The following NOMO1 variants were observed in gnomAD, a reference collection of about 807,000 sequenced individuals.
NOMO1 encodes the protein NODAL modulator 1, also known as nodal modulator 3.
Under a neutral mutation model 133.8 loss-of-function variants are expected in NOMO1, and 40 were observed. The observed-to-expected ratio is 0.30, with a 90% CI of 0.23 to 0.39. The LOEUF (loss-of-function observed/expected upper bound fraction) is 0.39. Among genes scored for constraint, NOMO1 ranks in the 10% least tolerant of loss-of-function variants. The pLI is 1.00. For missense variants in NOMO1, 462 were observed against 1,419.9 expected, an observed-to-expected ratio of 0.33 and a Z score of 10.84; for synonymous variants, 236 against 570.5, an observed-to-expected ratio of 0.41 and a Z score of 8.36.
intron 25 of NOMO1, among the ~76,000 whole-genome samples, chr16:14,882,351 T>C (rs2151009430): frequency 9.4e-6 from 1 of 106,152 alleles, no homozygotes; most frequent in Non-Finnish European, 1.9e-5. Context: ...ATTTGATTTA[T>C]TTTGGGGTAG....
intron 11 of NOMO1, 119 bp downstream of exon 11, chr16:14,857,774 T>A: frequency 6.9e-3 from 5 of 722 alleles, no homozygotes; most frequent in Non-Finnish European, 9.0e-3. Flanking sequence ...AGATTAGTAC[T>A]TTTTTTTTTT....
chr16:14,845,936 C>T (rs1392639196), intron 4 of NOMO1, among the ~76,000 whole-genome samples: 2 of 151,578 alleles, frequency 1.3e-5, no homozygotes, highest in Non-Finnish European at 2.9e-5. Flanking sequence ...GAGCAATTCT[C>T]CTGCCTCAGC....
At chr16:14,846,829 C>A in intron 5 of NOMO1, 146 bp downstream of exon 5, 1 of 1,273,156 alleles carries the variant, frequency 7.9e-7, no homozygotes, top group South Asian at 1.3e-5. Flanking sequence ...CGTCAGAGTG[C>A]TGAGTTCCCC....
At chr16:14,883,901 T>G (rs554962730) in intron 26 of NOMO1, among the ~76,000 whole-genome samples, 4 of 151,266 alleles carry the variant, frequency 2.6e-5, no homozygotes, top group Non-Finnish European at 5.9e-5. Context: ...CTTTTTTTTT[T>G]AAGAGAAGCT....
chr16:14,882,951 A>G (rs1964266615), intron 26 of NOMO1, among the ~76,000 whole-genome samples: 1 of 152,102 alleles, frequency 6.6e-6, no homozygotes, highest in Admixed American at 6.5e-5. Flanking sequence ...CTGCAAGTTA[A>G]GGAACTTAAG....
At position 14,887,325 on chromosome 16, in the gene NOMO1, G is replaced by T. The variant is rs992046135; in HGVS notation, c.3324+463G>T. On this transcript the variant is annotated intron_variant, in intron 28 of 30. Coordinates refer to ENST00000287667, the MANE Select transcript of NOMO1 (RefSeq NM_014287.4). ...TTTTTTTTTTTTGAGACGGAGTCTC[G>T]CCTTGTCGCCCAGGCTGGAGTGCAG... 2.7e-5 allele frequency among the ~76,000 whole-genome samples: 4 copies of T among 147,984 alleles called. No individual in the cohort carries two copies. The East Asian group carries it at 7.9e-4, about 29-fold the overall frequency.
chr16:14,880,516 C>G (rs1248277497), intron 24 of NOMO1, among the ~76,000 whole-genome samples: 2 of 151,600 alleles, frequency 1.3e-5, no homozygotes. Context: ...CCTGGCCTCC[C>G]AAGTAGCTGG....
chr16:14,837,123 T>C (rs1327112919), intron 1 of NOMO1, among the ~76,000 whole-genome samples: 1 of 151,936 alleles, frequency 6.6e-6, no homozygotes, highest in Admixed American at 6.6e-5. Flanking sequence ...CCTCAAGCAG[T>C]CCTCCTGCCT....
rs573617031 is a variant in NOMO1, at chr16:14,838,387, T to TTTCC, written c.166-9_166-6dup. On this transcript the variant is annotated intron_variant, in intron 1 of 30. Coordinates refer to ENST00000287667, the MANE Select transcript of NOMO1 (RefSeq NM_014287.4). ...CCAAAGGCAATGTTATGATTTCTGT[T>TTTCC]TTCCTTCCTTCCTTTCCAGATAAAG... 413 of 1,596,504 alleles carry TTTCC rather than the reference T, an allele frequency of 2.6e-4. 5 individuals carry two copies. The African/African-American group carries it at 5.0e-3, about 19-fold the overall frequency.
At position 14,864,698 on chromosome 16, in the gene NOMO1, A is replaced by T. The variant is rs1273480681; in HGVS notation, c.1509A>T (p.Ala503=). ...ATGTGGCCTTTGTACAGTTCTTGGCATCAGTTTCTGGGAAAGTCTCTTGTT... is the reference window on the plus strand; with the variant it reads ...ATGTGGCCTTTGTACAGTTCTTGGCTTCAGTTTCTGGGAAAGTCTCTTGTT... ...MMDVAFVQFL[A]SVSGKVSCLD... is the part of the protein sequence containing the mutation. The change falls in exon 13 of 31, where the codon GCA becomes GCT. Residue 503 remains alanine, a synonymous_variant. Transcript: ENST00000287667. The T allele has an allele frequency of 6.2e-7, 1 of 1,613,430 alleles. No individual in the cohort carries two copies. The highest frequency in any genetic ancestry group is 1.1e-5 in the South Asian group (1 of 91,056).
intron 9 of NOMO1, among the ~76,000 whole-genome samples, chr16:14,856,073 C>T (rs1335895416): frequency 6.6e-6 from 1 of 152,032 alleles, no homozygotes; most frequent in Non-Finnish European, 1.5e-5. Flanking sequence ...TGCACACGTG[C>T]GTGCACACAT....
In NOMO1 at chr16:14,875,174, A is replaced by C; in HGVS notation, c.2193A>C (p.Glu731Asp). 6.2e-7 allele frequency: 1 copy of C among 1,613,786 alleles called. No individual in the cohort carries two copies. Among genetic ancestry groups the C allele is most frequent in the Non-Finnish European group, 8.5e-7 (1 of 1,179,860 alleles). ...AAAACGGCAATGAGGAAGGCGAAGA[A>C]AGAATGACCAAGCCTCCCGTGCAGG... ...REKNGNEEGEERMTKPPVQEM... is the reference protein window; with the variant it reads ...REKNGNEEGEDRMTKPPVQEM... The change falls in exon 19 of 31, where the codon GAA (glutamate) becomes GAC (aspartate). Residue 731 changes from glutamate to aspartate, a missense_variant. By Grantham distance (45) the Glu-to-Asp change is conservative. Coordinates refer to ENST00000287667, the MANE Select transcript of NOMO1 (RefSeq NM_014287.4).
chr16:14,886,979 C>T (rs1430097699), intron 28 of NOMO1, 117 bp downstream of exon 28: 1 of 1,437,968 alleles, frequency 7.0e-7, no homozygotes, highest in Non-Finnish European at 9.6e-7. Flanking sequence ...GAAATACGCT[C>T]TCTGAATCAA....
At chr16:14,845,701 C>T (rs1377387209) in intron 4 of NOMO1, among the ~76,000 whole-genome samples, 11 of 151,868 alleles carry the variant, frequency 7.2e-5, no homozygotes, top group African/African-American at 2.2e-4. Context: ...TCTACCTTTG[C>T]GGTGACGGGG....
intron 17 of NOMO1, 118 bp from the exon 18 acceptor site, chr16:14,872,115 CA>C: frequency 6.1e-6 from 8 of 1,320,328 alleles, no homozygotes; most frequent in Non-Finnish European, 8.7e-6. Context: ...TATTTTACCC[CA>C]GACTAAGAGC....
chr16:14,857,133 G>C (rs1195162045), intron 9 of NOMO1, 84 bp from the exon 10 acceptor site: 1 of 1,594,718 alleles, frequency 6.3e-7, no homozygotes, highest in Non-Finnish European at 8.6e-7. Flanking sequence ...CATGGTAGGT[G>C]GTGGCCGGCG....
chr16:14,833,829 G>A lies in NOMO1; in HGVS notation c.-23G>A. On this transcript the variant is annotated 5_prime_UTR_variant, in exon 1 of 31. Transcript: ENST00000287667. ...GGCGGGACCCGGCTGCCGGCGGTGG[G>A]TCTAGCTGGGGGAGGTCGGGCCATG... 1 of 521,738 alleles carries A rather than the reference G, an allele frequency of 1.9e-6. No individual in the cohort carries two copies. 32.3% of individuals were successfully genotyped at this position (521,738 alleles called of 1,614,324 possible).
intron 27 of NOMO1, among the ~76,000 whole-genome samples, chr16:14,885,001 T>C (rs1964302830): frequency 6.6e-6 from 1 of 151,996 alleles, no homozygotes; most frequent in Non-Finnish European, 1.5e-5. Context: ...CTTCCAATCA[T>C]GGCAGAAGGT....
chr16:14,860,384 G>T lies in NOMO1; in HGVS notation c.1221-2629G>T, dbSNP rs941187529. On this transcript the variant is annotated intron_variant, in intron 11 of 30. Transcript: ENST00000287667. ...TTCCGTCTCAAAAAAAAAAAAAAAAGAGTTATCAGTTGGCAAGGGAGTGAT... is the reference window on the plus strand; with the variant it reads ...TTCCGTCTCAAAAAAAAAAAAAAAATAGTTATCAGTTGGCAAGGGAGTGAT... Among the ~76,000 whole-genome samples, 32 of 149,820 alleles carry T rather than the reference G, an allele frequency of 2.1e-4. 1 individual carries two copies. Among genetic ancestry groups the T allele is most frequent in the African/African-American group, 6.6e-4 (27 of 40,764 alleles).
Sources: gnomAD v4.1 joint callset for allele counts (sites outside exome capture counted in the v4.1 genomes callset) on GRCh38, gnomAD v4.1.1 for gene constraint, MANE v1.5 for transcripts, NCBI Gene and HGNC (gene_info 2026-07-23, HGNC 2026-07-21) for gene names.